FNDC3B: variants seen among roughly 807,000 people sequenced by gnomAD.
FNDC3B encodes fibronectin type III domain-containing protein 3B.
FNDC3B carries 12 observed loss-of-function variants against 151.5 expected under a neutral mutation model. The observed-to-expected ratio is 0.08, with a 90% CI of 0.05 to 0.13. The LOEUF (loss-of-function observed/expected upper bound fraction) is 0.13, where lower values mean the gene tolerates loss of function less well. Among genes scored for constraint, FNDC3B ranks in the 10% least tolerant of loss-of-function variants. The probability of loss-of-function intolerance (pLI) is 1.00; values close to 1 mark genes in which losing one functional copy is unlikely to be tolerated. For missense variants in FNDC3B, 1,214 were observed against 1,505.3 expected (o/e 0.81, Z 3.20); for synonymous variants, 528 against 549.0 (o/e 0.96, Z 0.54).
intron 25 of FNDC3B, among the ~76,000 whole-genome samples, chr3:172,386,898 G>T (rs933022512): frequency 6.6e-6 from 1 of 152,040 alleles, no homozygotes; most frequent in Non-Finnish European, 1.5e-5. Flanking sequence ...GATTCTACAT[G>T]GTATCACAAA....
At chr3:172,104,434 A>G (rs1028340020) in intron 1 of FNDC3B, among the ~76,000 whole-genome samples, 67 of 148,056 alleles carry the variant, frequency 4.5e-4, no homozygotes, top group African/African-American at 1.7e-3. Context: ...TTTTTTTAGC[A>G]TAGGGGATGT....
chr3:172,307,464 C>G lies in FNDC3B; in HGVS notation c.1163C>G (p.Ala388Gly). ...GAGTGTCCTTTCCCCCCTAAGCTGG[C>G]ACATAGGAGCAAAAGTTCACTAACC... ...APECPFPPKL[A>G]HRSKSSLTLQ... Residue 388 changes from alanine to glycine, a missense_variant, in exon 10 of 26, where the codon GCA becomes GGA. Transcript: ENST00000415807. The G allele has an allele frequency of 1.9e-6, 3 of 1,613,952 alleles. No homozygotes were observed. The highest frequency in any genetic ancestry group is 2.5e-6 in the Non-Finnish European group (3 of 1,179,888).
intron 1 of FNDC3B, among the ~76,000 whole-genome samples, chr3:172,042,784 A>T (rs1420717241): frequency 6.6e-6 from 1 of 151,938 alleles, no homozygotes; most frequent in East Asian, 1.9e-4. Context: ...GCCACATGTA[A>T]CTGAGTCTTT....
At chr3:172,043,008 G>A (rs2108448197) in intron 1 of FNDC3B, among the ~76,000 whole-genome samples, 1 of 151,832 alleles carries the variant, frequency 6.6e-6, no homozygotes, top group South Asian at 2.1e-4. Flanking sequence ...TCCGCCTCCC[G>A]GATTCAAGCG....
chr3:172,177,573 A>G (rs1232122932), intron 3 of FNDC3B, among the ~76,000 whole-genome samples: 1 of 139,980 alleles, frequency 7.1e-6, no homozygotes, highest in Non-Finnish European at 1.5e-5. Context: ...TAATTTCCTT[A>G]TATGATAAAA....
chr3:172,179,586 A>G (rs1288661520), intron 3 of FNDC3B, among the ~76,000 whole-genome samples: 1 of 151,172 alleles, frequency 6.6e-6, no homozygotes, highest in South Asian at 2.1e-4. Context: ...CTCCACCCCA[A>G]CTGTAAAAGT....
intron 11 of FNDC3B, among the ~76,000 whole-genome samples, chr3:172,311,130 G>A (rs943898747): frequency 6.6e-6 from 1 of 152,150 alleles, no homozygotes; most frequent in Non-Finnish European, 1.5e-5. Flanking sequence ...AAAAAGTGGG[G>A]TCTTATCTAT....
chr3:172,364,301 A>C (rs1014916227), intron 23 of FNDC3B, among the ~76,000 whole-genome samples: 7 of 152,222 alleles, frequency 4.6e-5, no homozygotes, highest in Admixed American at 4.6e-4. Flanking sequence ...CATTGGGGGA[A>C]ATTTTTAAAT....
intron 25 of FNDC3B, among the ~76,000 whole-genome samples, chr3:172,393,790 C>A (rs1490564295): frequency 1.3e-5 from 2 of 151,994 alleles, no homozygotes; most frequent in East Asian, 3.9e-4. Context: ...TATTTTGAGG[C>A]AAATGGAAAC....
chr3:172,150,822 C>T (rs1317836574), intron 3 of FNDC3B, among the ~76,000 whole-genome samples: 2 of 152,100 alleles, frequency 1.3e-5, no homozygotes, highest in African/African-American at 4.8e-5. Context: ...ATAAGCACAT[C>T]ATCGAGAATG....
At chr3:172,188,610 T>C (rs975981475) in intron 3 of FNDC3B, among the ~76,000 whole-genome samples, 4 of 151,970 alleles carry the variant, frequency 2.6e-5, no homozygotes, top group African/African-American at 9.7e-5. Flanking sequence ...TTTCACCATG[T>C]TGGCCAGGAA....
intron 7 of FNDC3B, 62 bp from the exon 8 acceptor site, chr3:172,295,301 C>A (rs2108840492): frequency 6.7e-7 from 1 of 1,503,510 alleles, no homozygotes; most frequent in Non-Finnish European, 9.1e-7. Context: ...TATGCCACTA[C>A]TAATAATTCT....
At chr3:172,240,921 G>A (rs1727460579) in intron 4 of FNDC3B, among the ~76,000 whole-genome samples, 1 of 152,068 alleles carries the variant, frequency 6.6e-6, no homozygotes. Flanking sequence ...TGCACATTTT[G>A]TGCCTTATTC....
chr3:172,048,736 A>G (rs1394404271), intron 1 of FNDC3B, among the ~76,000 whole-genome samples: 2 of 152,244 alleles, frequency 1.3e-5, no homozygotes, highest in African/African-American at 4.8e-5. Context: ...ATATGGTATT[A>G]TATATTGGAA....
chr3:172,116,635 T>TG (rs1720265472), intron 2 of FNDC3B, among the ~76,000 whole-genome samples: 1 of 152,136 alleles, frequency 6.6e-6, no homozygotes, highest in African/African-American at 2.4e-5. Flanking sequence ...GCACGATCTC[T>TG]GCTCACTGCA....
At chr3:172,144,791 A>G (rs1432920088) in intron 3 of FNDC3B, among the ~76,000 whole-genome samples, 1 of 151,844 alleles carries the variant, frequency 6.6e-6, no homozygotes, top group Non-Finnish European at 1.5e-5. Context: ...GTGTCTTGGA[A>G]GGTAATTTGC....
intron 3 of FNDC3B, among the ~76,000 whole-genome samples, chr3:172,186,333 G>A (rs1304944674): frequency 6.6e-6 from 1 of 152,142 alleles, no homozygotes; most frequent in Non-Finnish European, 1.5e-5. Context: ...TATAAGAAAA[G>A]AACTCCCAAT....
chr3:172,112,428 TA>T, intron 1 of FNDC3B, 23 bp from the exon 2 acceptor site: 2 of 1,323,692 alleles, frequency 1.5e-6, no homozygotes, highest in Non-Finnish European at 2.2e-6. Context: ...GAGTCCTTTT[TA>T]AAAAGCGGCG....
In FNDC3B at chr3:172,334,454, T is replaced by C. The variant is rs538479411; in HGVS notation, c.1642-490T>C. On this transcript the variant is annotated intron_variant, in intron 14 of 25. Coordinates refer to ENST00000415807, the MANE Select transcript of FNDC3B (RefSeq NM_022763.4). ...TTATCATTTTATTTTTATTTATTTA[T>C]TTTTTGAGTTGGAGTTTCGCTCTTG... Among the ~76,000 whole-genome samples, 6 of 152,292 alleles carry C rather than the reference T, an allele frequency of 3.9e-5. No homozygotes were observed. In the South Asian group the frequency reaches 1.2e-3, roughly 32 times the overall value.
Sources: allele counts gnomAD v4.1 joint callset (sites outside exome capture counted in the v4.1 genomes callset), GRCh38; gene constraint gnomAD v4.1.1; transcripts MANE v1.5; gene names NCBI Gene and HGNC (gene_info 2026-07-23, HGNC 2026-07-21).